OPHN1: variants seen among roughly 807,000 people sequenced by gnomAD.
The protein encoded by OPHN1 is oligophrenin 1, also known as oligophrenin-1.
A neutral mutation model predicts 60.7 loss-of-function variants in OPHN1; 11 were observed. The observed-to-expected ratio is 0.18, with a 90% CI of 0.11 to 0.30. OPHN1 has a LOEUF of 0.30. Ranked by LOEUF, OPHN1 falls within the 10% of genes least tolerant of loss-of-function variation. The probability of loss-of-function intolerance (pLI) is 1.00; values close to 1 mark genes in which losing one functional copy is unlikely to be tolerated. For missense variants in OPHN1, 449 were observed against 611.0 expected (o/e 0.73, Z 2.80); for synonymous variants, 226 against 222.6 (o/e 1.02, Z -0.14).
intron 15 of OPHN1, among the ~76,000 whole-genome samples, chrX:68,164,220 TG>T (rs2077348196): frequency 8.9e-6 from 1 of 112,088 alleles, no homozygotes. Context: ...GAATCACAAA[TG>T]TTCTTAATGG....
At chrX:68,119,131 T>G in intron 16 of OPHN1, 117 bp downstream of exon 16, 3 of 533,538 alleles carry the variant, frequency 5.6e-6, no homozygotes, top group Non-Finnish European at 1.0e-5. Flanking sequence ...CTTCACATGT[T>G]TTTTCTTAAG....
chrX:68,320,186 T>G (rs935830419), intron 2 of OPHN1, among the ~76,000 whole-genome samples: 1 of 110,132 alleles, frequency 9.1e-6, no homozygotes, highest in African/African-American at 3.3e-5. Flanking sequence ...TCCATCTATA[T>G]TAAAAATACA....
At chrX:68,353,718 C>A (rs1200953251) in intron 2 of OPHN1, among the ~76,000 whole-genome samples, 3 of 111,742 alleles carry the variant, frequency 2.7e-5, no homozygotes, top group Non-Finnish European at 5.6e-5. Context: ...ATAATTATTT[C>A]TCATATTAAC....
intron 2 of OPHN1, among the ~76,000 whole-genome samples, chrX:68,404,834 T>G (rs762110265): frequency 3.6e-5 from 4 of 111,669 alleles, no homozygotes; most frequent in Non-Finnish European, 7.5e-5. Flanking sequence ...AGACAAATAC[T>G]GTATGATTCC....
At chrX:68,106,380 C>G (rs964070336) in intron 18 of OPHN1, among the ~76,000 whole-genome samples, 4 of 111,119 alleles carry the variant, frequency 3.6e-5, no homozygotes, top group Admixed American at 9.6e-5. Context: ...TATTGTCTGA[C>G]TCCAATCTTA....
chrX:68,407,683 A>G (rs2078750289), intron 2 of OPHN1, among the ~76,000 whole-genome samples: 1 of 112,190 alleles, frequency 8.9e-6, no homozygotes. Context: ...ATGATGCCAT[A>G]AATTTGGCAT....
At chrX:68,220,391 A>G (rs1278474600) in intron 6 of OPHN1, among the ~76,000 whole-genome samples, 1 of 111,426 alleles carries the variant, frequency 9.0e-6, no homozygotes, top group African/African-American at 3.3e-5. Flanking sequence ...AAACTATTCC[A>G]ATCAATAGAA....
rs1287257368 is a variant in OPHN1 at position 68,154,744 on chromosome X, C to G, written c.1277-35412G>C. Among the ~76,000 whole-genome samples, 3 of 111,053 alleles carry G rather than the reference C, an allele frequency of 2.7e-5. No homozygotes were observed. In the East Asian group the frequency reaches 8.5e-4, roughly 31 times the overall value. On this transcript the variant is annotated intron_variant, in intron 15 of 24. Transcript: ENST00000355520. ...AATACGTCTATGTATTTCATATTTT[C>G]TGTGAAAGGTCAGAGGTTACAGGTA...
At chrX:68,343,581 C>T (rs781030698) in intron 2 of OPHN1, among the ~76,000 whole-genome samples, 1 of 109,724 alleles carries the variant, frequency 9.1e-6, no homozygotes, top group African/African-American at 3.3e-5. Context: ...AAACCAATGA[C>T]ATGTATGGTA....
intron 5 of OPHN1, among the ~76,000 whole-genome samples, chrX:68,256,724 T>C (rs2077865622): frequency 8.9e-6 from 1 of 111,912 alleles, no homozygotes; most frequent in African/African-American, 3.2e-5. Flanking sequence ...CATATACATT[T>C]TGTTTTTAGA....
intron 5 of OPHN1, among the ~76,000 whole-genome samples, chrX:68,255,790 C>G (rs2077860222): frequency 9.1e-6 from 1 of 110,269 alleles, no homozygotes; most frequent in African/African-American, 3.3e-5. Context: ...TTTGAAGAAC[C>G]CTAAGACATG....
At position 68,111,933 on chromosome X, in the gene OPHN1, C is replaced by G; in HGVS notation, c.1447G>C (p.Gly483Arg). ...AKSDNLDYRL[G>R]AIHSLVYKLP... ...TTATATACCAGGGAGTGAATAGCTCCTAGGCGGTAATCCAGGTTGTCAGAC... is the reference window on the plus strand; with the variant it reads ...TTATATACCAGGGAGTGAATAGCTCGTAGGCGGTAATCCAGGTTGTCAGAC... The change falls in exon 18 of 25, where the codon GGA becomes CGA. Residue 483 changes from glycine to arginine, a missense_variant. Coordinates refer to ENST00000355520, the MANE Select transcript of OPHN1 (RefSeq NM_002547.3). The G allele has an allele frequency of 8.3e-7, 1 of 1,203,743 alleles. No individual in the cohort carries two copies.
chrX:68,313,575 T>C (rs1295922720), intron 2 of OPHN1, among the ~76,000 whole-genome samples: 1 of 111,791 alleles, frequency 8.9e-6, no homozygotes, highest in African/African-American at 3.2e-5. Flanking sequence ...TTGTGTTAAG[T>C]GAAATAAGCC....
chrX:68,289,880 A>G (rs989835206), intron 3 of OPHN1, among the ~76,000 whole-genome samples: 1 of 112,315 alleles, frequency 8.9e-6, no homozygotes, highest in Admixed American at 9.4e-5. Flanking sequence ...AAAGGAAATT[A>G]CACAAAATTT....
intron 2 of OPHN1, among the ~76,000 whole-genome samples, chrX:68,420,799 A>T (rs890195499): frequency 6.4e-5 from 7 of 109,850 alleles, no homozygotes; most frequent in Admixed American, 2.0e-4. Flanking sequence ...GCATTGAAGA[A>T]AAAACAACTC....
intron 5 of OPHN1, among the ~76,000 whole-genome samples, chrX:68,251,319 G>A (rs1204985511): frequency 1.9e-5 from 2 of 106,087 alleles, no homozygotes; most frequent in Non-Finnish European, 3.9e-5. Context: ...CCGAGTAGCT[G>A]GGATTACAGG....
At chrX:68,132,791 C>G (rs1009429835) in intron 15 of OPHN1, 1 of 172,296 alleles carries the variant, frequency 5.8e-6, no homozygotes, top group Non-Finnish European at 1.1e-5. Flanking sequence ...GCTTGGCTGG[C>G]GAGCCCCACT....
intron 2 of OPHN1, among the ~76,000 whole-genome samples, chrX:68,358,142 TAATAA>T (rs1193752080): frequency 1.5e-4 from 15 of 101,258 alleles, no homozygotes; most frequent in Admixed American, 8.7e-4. Context: ...AAAAAAAAAA[TAATAA>T]AATAAAATAA....
At chrX:68,377,969 T>C (rs1190342644) in intron 2 of OPHN1, among the ~76,000 whole-genome samples, 1 of 112,027 alleles carries the variant, frequency 8.9e-6, no homozygotes, top group African/African-American at 3.2e-5. Context: ...CTGGGTCAAA[T>C]GGTATTTCTA....
Sources: gnomAD v4.1 joint callset for allele counts (sites outside exome capture counted in the v4.1 genomes callset) on GRCh38, gnomAD v4.1.1 for gene constraint, MANE v1.5 for transcripts, NCBI Gene and HGNC (gene_info 2026-07-23, HGNC 2026-07-21) for gene names.